The following TRHDE variants were observed in gnomAD, a reference collection of about 807,000 sequenced individuals.
TRHDE encodes the protein thyrotropin-releasing hormone-degrading ectoenzyme.
A neutral mutation model predicts 125.7 loss-of-function variants in TRHDE; 72 were observed. That is an observed-to-expected ratio of 0.57 (90% CI 0.47 to 0.70). TRHDE has a LOEUF of 0.70. Ranked by LOEUF, TRHDE falls within the 30% of genes least tolerant of loss-of-function variation. The pLI is 0.00. For synonymous variants in TRHDE, 509 were observed against 509.1 expected (o/e 1.00, Z 0.00); for missense variants, 1,110 against 1,327.1 (o/e 0.84, Z 2.54).
rs542259375 is a variant in TRHDE, at chr12:72,355,373, C to T, written c.1189-22622C>T. Among the ~76,000 whole-genome samples the T allele has an allele frequency of 4.6e-5, 7 of 151,558 alleles. No homozygotes were observed. The South Asian group carries it at 1.0e-3, about 22-fold the overall frequency. ...AGACTTACCATGCATACCTTGTAGG[C>T]TCTTTTCCTCAGAGCAAATAAAGGT... On this transcript the variant is annotated intron_variant, in intron 2 of 18. Transcript: ENST00000261180.
In TRHDE at chr12:72,253,375, C is replaced by T. The variant is rs558767720; in HGVS notation, n.280-124620C>T. Reference sequence around the variant, plus strand: ...TATTTCTTTTCTTCTTCTGCTTCCCCCCAACCCCCATTTCAGTGGCTAGAA... The same window carrying T: ...TATTTCTTTTCTTCTTCTGCTTCCCTCCAACCCCCATTTCAGTGGCTAGAA... On this transcript the variant is annotated intron_variant and non_coding_transcript_variant, in intron 2 of 4. Coordinates refer to the TRHDE transcript ENST00000548156. 779 of 152,920 alleles carry T rather than the reference C, an allele frequency of 5.1e-3. 4 individuals carry two copies. The highest frequency in any genetic ancestry group is 8.2e-3 in the Non-Finnish European group (564 of 68,608). The allele number at this position is 152,920 out of a possible 1,614,324, so 9.5% of individuals were successfully genotyped here.
At chr12:72,100,519 C>T (rs1169271506) in intron 1 of TRHDE, among the ~76,000 whole-genome samples, 2 of 152,178 alleles carry the variant, frequency 1.3e-5, no homozygotes, top group African/African-American at 2.4e-5. Flanking sequence ...AGAGAAGCTC[C>T]CACTGGGTCC....
intron 2 of TRHDE, among the ~76,000 whole-genome samples, chr12:72,299,678 G>C (rs571414319): frequency 6.6e-6 from 1 of 152,164 alleles, no homozygotes; most frequent in Non-Finnish European, 1.5e-5. Flanking sequence ...GTTACAGAGA[G>C]AGGAAAAATT....
intron 15 of TRHDE, among the ~76,000 whole-genome samples, chr12:72,624,474 G>A (rs1873176327): frequency 6.6e-6 from 1 of 151,852 alleles, no homozygotes; most frequent in African/African-American, 2.4e-5. Context: ...TTGCAAATTT[G>A]GGGGTGTTGT....
chr12:72,185,376 C>A (rs1170245954), intron 2 of TRHDE, among the ~76,000 whole-genome samples: 1 of 152,234 alleles, frequency 6.6e-6, no homozygotes, highest in Admixed American at 6.5e-5. Context: ...ACGAGCACCA[C>A]CCCCTGCTCC....
intron 2 of TRHDE, among the ~76,000 whole-genome samples, chr12:72,150,385 G>C (rs1876330726): frequency 1.3e-5 from 2 of 151,846 alleles, no homozygotes; most frequent in Admixed American, 1.3e-4. Flanking sequence ...ACAAAAGTAT[G>C]GGTAGTGAGT....
chr12:72,286,627 ATAACT>A, intron 1 of TRHDE, 49 bp from the exon 2 acceptor site: 1 of 1,525,938 alleles, frequency 6.6e-7, no homozygotes, highest in Non-Finnish European at 9.0e-7. Context: ...TAATGTGGCC[ATAACT>A]TAACTCACAA....
intron 3 of TRHDE, among the ~76,000 whole-genome samples, chr12:72,422,383 GA>G: frequency 6.6e-6 from 1 of 152,300 alleles, no homozygotes; most frequent in Middle Eastern, 3.4e-3. Context: ...AGCTGTGAAA[GA>G]AAAGATACTG....
chr12:72,231,075 A>T (rs1428117122), intron 2 of TRHDE, among the ~76,000 whole-genome samples: 1 of 152,180 alleles, frequency 6.6e-6, no homozygotes, highest in African/African-American at 2.4e-5. Flanking sequence ...ATCAGAATTA[A>T]TTCACATACT....
intron 3 of TRHDE, among the ~76,000 whole-genome samples, chr12:72,383,722 T>G (rs1005735935): frequency 5.9e-5 from 9 of 151,534 alleles, no homozygotes; most frequent in Non-Finnish European, 8.8e-5. Context: ...TTTCTGTTTT[T>G]TTTTTTTTTT....
At chr12:72,465,028 G>T (rs982800014) in intron 3 of TRHDE, among the ~76,000 whole-genome samples, 6 of 152,110 alleles carry the variant, frequency 3.9e-5, no homozygotes, top group African/African-American at 1.4e-4. Context: ...AAGTAAATTA[G>T]ATTCTGAAAC....
intron 12 of TRHDE, among the ~76,000 whole-genome samples, chr12:72,597,224 C>G (rs1471014210): frequency 6.6e-6 from 1 of 152,176 alleles, no homozygotes; most frequent in Non-Finnish European, 1.5e-5. Context: ...ACGAATGTCT[C>G]TCCTTTAGGC....
chr12:72,501,772 ATGTT>A (rs1257624053), intron 6 of TRHDE, among the ~76,000 whole-genome samples: 2 of 152,008 alleles, frequency 1.3e-5, no homozygotes, highest in African/African-American at 4.8e-5. Flanking sequence ...TCTTTCTTGA[ATGTT>A]TGTTAGAATT....
At chr12:72,099,752 T>A (rs1286632049) in intron 1 of TRHDE, among the ~76,000 whole-genome samples, 1 of 152,222 alleles carries the variant, frequency 6.6e-6, no homozygotes, top group Non-Finnish European at 1.5e-5. Flanking sequence ...ATCCACATTA[T>A]CATATTTTAA....
At chr12:72,201,434 C>T (rs925784536) in intron 2 of TRHDE, among the ~76,000 whole-genome samples, 1 of 152,104 alleles carries the variant, frequency 6.6e-6, no homozygotes, top group South Asian at 2.1e-4. Flanking sequence ...CCTAATTTAG[C>T]CTAACTCTGT....
intron 2 of TRHDE, among the ~76,000 whole-genome samples, chr12:72,373,157 G>T (rs1871693252): frequency 6.6e-6 from 1 of 152,146 alleles, no homozygotes; most frequent in Non-Finnish European, 1.5e-5. Context: ...AAGCAATTGT[G>T]AATGGGAGTT....
rs1438238863 is a variant in TRHDE at position 72,446,047 on chromosome 12, C to T, written c.1316-23711C>T. Reference sequence around the variant, plus strand: ...GTAGACTTTTTAATTGGTCCGTGCGCTAGACCAGTGCTTCTCAAATTTTAA... The same window carrying T: ...GTAGACTTTTTAATTGGTCCGTGCGTTAGACCAGTGCTTCTCAAATTTTAA... On this transcript the variant is annotated intron_variant, in intron 3 of 18. Coordinates refer to ENST00000261180, the MANE Select transcript of TRHDE (RefSeq NM_013381.3). Among the ~76,000 whole-genome samples the T allele has an allele frequency of 3.3e-5, 5 of 151,738 alleles. No homozygotes were observed. The East Asian group carries it at 9.7e-4, about 29-fold the overall frequency.
intron 2 of TRHDE, among the ~76,000 whole-genome samples, chr12:72,152,116 C>G (rs1285522580): frequency 6.6e-6 from 1 of 151,500 alleles, no homozygotes; most frequent in Non-Finnish European, 1.5e-5. Flanking sequence ...CTTCACATCC[C>G]TTGTAAGTTG....
intron 1 of TRHDE, among the ~76,000 whole-genome samples, chr12:72,089,489 C>G (rs1433659369): frequency 6.6e-6 from 1 of 152,204 alleles, no homozygotes; most frequent in Non-Finnish European, 1.5e-5. Context: ...TCTGTGCAGA[C>G]TTCTTTGGGT....
Sources: gnomAD v4.1 joint callset for allele counts (sites outside exome capture counted in the v4.1 genomes callset) on GRCh38, gnomAD v4.1.1 for gene constraint, MANE v1.5 for transcripts, NCBI Gene and HGNC (gene_info 2026-07-23, HGNC 2026-07-21) for gene names.